MTSS1: variants seen among roughly 807,000 people sequenced by gnomAD.
The protein encoded by MTSS1 is MTSS I-BAR domain containing 1, also known as protein MTSS 1.
In MTSS1, 18 loss-of-function variants were observed where a neutral mutation model predicts 79.0. The observed-to-expected ratio is 0.23, with a 90% confidence interval of 0.16 to 0.34. The LOEUF is 0.34. Ranked by LOEUF, MTSS1 falls within the 10% of genes least tolerant of loss-of-function variation. The probability of loss-of-function intolerance (pLI) is 1.00; values close to 1 mark genes in which losing one functional copy is unlikely to be tolerated. For synonymous variants in MTSS1, 341 were observed against 368.6 expected, an observed-to-expected ratio of 0.93 and a Z score of 0.86; for missense variants, 815 against 986.2, an observed-to-expected ratio of 0.83 and a Z score of 2.33.
chr8:124,646,208 G>A (rs1818968906), intron 3 of MTSS1, among the ~76,000 whole-genome samples: 1 of 152,146 alleles, frequency 6.6e-6, no homozygotes, highest in Non-Finnish European at 1.5e-5. Flanking sequence ...TAGCAAGGCT[G>A]GGATTATAAA....
At position 124,697,126 on chromosome 8, in the gene MTSS1, A is replaced by G. The variant is rs1254598597; in HGVS notation, c.208+2400T>C. ...TACAGGAACTTATGGACAATCTGGG[A>G]ATCTCTTTCCAGTCCATCTACAGGA... is the stretch of plus-strand genomic sequence containing the variant. On this transcript the variant is annotated intron_variant, in intron 3 of 13. Coordinates refer to ENST00000518547, the MANE Select transcript of MTSS1 (RefSeq NM_014751.6). Among the ~76,000 whole-genome samples the G allele has an allele frequency of 2.6e-5, 4 of 152,202 alleles. No homozygotes were observed. In the East Asian group the frequency reaches 7.7e-4, roughly 29 times the overall value.
chr8:124,675,805 TTGTAGCATC>T (rs1278074335), intron 3 of MTSS1, among the ~76,000 whole-genome samples: 1 of 152,244 alleles, frequency 6.6e-6, no homozygotes, highest in Non-Finnish European at 1.5e-5. Flanking sequence ...TTCATCCAAG[TTGTAGCATC>T]TGCACTTCGT....
intron 6 of MTSS1, chr8:124,579,797 C>A (rs1362340420): frequency 6.6e-6 from 1 of 152,174 alleles, no homozygotes; most frequent in African/African-American, 2.4e-5. Flanking sequence ...GTAAAATGCT[C>A]AGGGAACACC....
chr8:124,703,233 T>G lies in MTSS1; in HGVS notation c.134+897A>C, dbSNP rs375328335. 7.6e-4 allele frequency among the ~76,000 whole-genome samples: 116 copies of G among 152,330 alleles called. 4 individuals are homozygous for G. In the South Asian group the frequency reaches 0.024, roughly 31 times the overall value. ...CATCTCTCTAAAGATATGCTTTTGC[T>G]AGATAGTTCATGTAAATGGAATTAT... On this transcript the variant is annotated intron_variant, in intron 2 of 13. Coordinates refer to ENST00000518547, the MANE Select transcript of MTSS1 (RefSeq NM_014751.6).
At chr8:124,693,631 G>C (rs1057384477) in intron 3 of MTSS1, among the ~76,000 whole-genome samples, 4 of 152,178 alleles carry the variant, frequency 2.6e-5, no homozygotes, top group Admixed American at 6.5e-5. Context: ...TTCGATGCCT[G>C]TCCTAGAAGG....
chr8:124,567,244 T>C (rs1826694425), intron 7 of MTSS1, 66 bp from the exon 8 acceptor site: 1 of 1,309,356 alleles, frequency 7.6e-7, no homozygotes, highest in Admixed American at 1.7e-5. Context: ...TCTAGTCCAA[T>C]TGTTTTCATT....
intron 3 of MTSS1, among the ~76,000 whole-genome samples, chr8:124,607,422 T>A (rs1188457801): frequency 6.6e-6 from 1 of 152,230 alleles, no homozygotes; most frequent in Admixed American, 6.5e-5. Flanking sequence ...AAGTCATACC[T>A]TCCCCAGATG....
In MTSS1 at chr8:124,589,619, C is replaced by A; in HGVS notation, c.385+1G>T. 6.2e-7 allele frequency: 1 copy of A among 1,612,710 alleles called. No homozygotes were observed. The highest frequency in any genetic ancestry group is 8.5e-7 in the Non-Finnish European group (1 of 1,179,282). On this transcript the variant is annotated splice_donor_variant, in intron 5 of 13. Coordinates refer to ENST00000518547, the MANE Select transcript of MTSS1 (RefSeq NM_014751.6). LOFTEE classifies it high-confidence loss of function. ...ATGCGCTAGACATCTCGCCCCTGTA[C>A]CTTTTGCGTGGTCTTTATCCAGCTG... is the stretch of plus-strand genomic sequence containing the variant.
At chr8:124,717,087 C>T (rs192357317) in intron 1 of MTSS1, among the ~76,000 whole-genome samples, 1 of 152,146 alleles carries the variant, frequency 6.6e-6, no homozygotes, top group Admixed American at 6.5e-5. Context: ...CACATGCTCT[C>T]TTCCCTTGCA....
chr8:124,684,060 C>T (rs1035973693), intron 3 of MTSS1, among the ~76,000 whole-genome samples: 2 of 152,226 alleles, frequency 1.3e-5, no homozygotes, highest in Non-Finnish European at 2.9e-5. Context: ...TGCAAATGTA[C>T]AATCAGAGTA....
At chr8:124,558,080 C>G in intron 10 of MTSS1, 2 of 525,814 alleles carry the variant, frequency 3.8e-6, no homozygotes, top group Non-Finnish European at 6.7e-6. Context: ...ATGAGTTTGA[C>G]AGCAAATAAG....
At chr8:124,583,596 A>T (rs1384599517) in intron 6 of MTSS1, among the ~76,000 whole-genome samples, 2 of 152,164 alleles carry the variant, frequency 1.3e-5, no homozygotes, top group Non-Finnish European at 2.9e-5. Context: ...GGCCTCTGAA[A>T]ACTGAGTGGT....
intron 1 of MTSS1, among the ~76,000 whole-genome samples, chr8:124,709,014 T>G (rs1830774082): frequency 6.6e-6 from 1 of 152,106 alleles, no homozygotes; most frequent in Admixed American, 6.5e-5. Context: ...TTTTGTAAGT[T>G]TCTTTCAAGG....
At chr8:124,600,333 C>T (rs1833571618) in intron 3 of MTSS1, among the ~76,000 whole-genome samples, 1 of 152,150 alleles carries the variant, frequency 6.6e-6, no homozygotes, top group Admixed American at 6.5e-5. Flanking sequence ...TTTTCACATT[C>T]ACACTGCAAA....
chr8:124,626,713 G>A (rs531316081), intron 3 of MTSS1, among the ~76,000 whole-genome samples: 3 of 152,164 alleles, frequency 2.0e-5, no homozygotes, highest in African/African-American at 7.2e-5. Flanking sequence ...GGTTAGAAAT[G>A]ATTACGGTGC....
intron 13 of MTSS1, 88 bp downstream of exon 13, chr8:124,555,654 G>C: frequency 7.2e-7 from 1 of 1,394,066 alleles, no homozygotes; most frequent in Non-Finnish European, 9.6e-7. Flanking sequence ...CGAGTGGTGG[G>C]TTGTGGTTAA....
chr8:124,691,347 A>G (rs1282544251), intron 3 of MTSS1, among the ~76,000 whole-genome samples: 1 of 152,212 alleles, frequency 6.6e-6, no homozygotes, highest in East Asian at 1.9e-4. Context: ...CACAGTTTTT[A>G]GCTATGTTGC....
At chr8:124,617,261 C>G (rs762666659) in intron 3 of MTSS1, among the ~76,000 whole-genome samples, 1 of 152,192 alleles carries the variant, frequency 6.6e-6, no homozygotes, top group Non-Finnish European at 1.5e-5. Flanking sequence ...GGAGCTGCCC[C>G]TAAGGGGCAG....
chr8:124,671,003 T>C (rs1032576922), intron 3 of MTSS1, among the ~76,000 whole-genome samples: 20 of 151,988 alleles, frequency 1.3e-4, no homozygotes, highest in Non-Finnish European at 1.8e-4. Flanking sequence ...GATGAAGCCA[T>C]CAAGATCATG....
Sources: allele counts gnomAD v4.1 joint callset (sites outside exome capture counted in the v4.1 genomes callset), GRCh38; gene constraint gnomAD v4.1.1; transcripts MANE v1.5; gene names NCBI Gene and HGNC (gene_info 2026-07-23, HGNC 2026-07-21).